The following FBXL17 variants were observed in gnomAD, a reference collection of about 807,000 sequenced individuals.
FBXL17 encodes the protein F-box and leucine rich repeat protein 17.
FBXL17 carries 22 observed loss-of-function variants against 66.2 expected under a neutral mutation model. That is an observed-to-expected ratio of 0.33 (90% CI 0.24 to 0.47). The LOEUF (loss-of-function observed/expected upper bound fraction) is 0.47. Among genes scored for constraint, FBXL17 ranks in the 20% least tolerant of loss-of-function variants. The pLI is 1.00. For missense variants in FBXL17, 878 were observed against 948.2 expected (o/e 0.93, Z 0.97); for synonymous variants, 474 against 400.5 (o/e 1.18, Z -2.19).
chr5:108,033,465 T>C (rs932604626), intron 6 of FBXL17, among the ~76,000 whole-genome samples: 2 of 152,132 alleles, frequency 1.3e-5, no homozygotes, highest in African/African-American at 4.8e-5. Context: ...ATCTAGAGTA[T>C]TCCTAACACC....
At chr5:108,167,232 G>A (rs963064984) in intron 6 of FBXL17, among the ~76,000 whole-genome samples, 10 of 152,192 alleles carry the variant, frequency 6.6e-5, no homozygotes, top group East Asian at 1.9e-4. Context: ...ATCTGCTAGC[G>A]TCTTTACAAA....
intron 6 of FBXL17, among the ~76,000 whole-genome samples, chr5:108,070,457 A>G (rs371740534): frequency 2.0e-5 from 3 of 152,232 alleles, no homozygotes; most frequent in South Asian, 4.1e-4. Context: ...CCGAAAAATT[A>G]TACTGTTTTA....
At chr5:108,328,589 G>A (rs908155996) in intron 4 of FBXL17, among the ~76,000 whole-genome samples, 2 of 151,968 alleles carry the variant, frequency 1.3e-5, no homozygotes, top group African/African-American at 2.4e-5. Flanking sequence ...ACAGATACAC[G>A]CATGTTGGTA....
intron 7 of FBXL17, among the ~76,000 whole-genome samples, chr5:107,976,893 A>C (rs1030764456): frequency 9.9e-5 from 15 of 152,206 alleles, no homozygotes; most frequent in African/African-American, 3.6e-4. Flanking sequence ...TAAGTATTAG[A>C]ATATACTAAG....
intron 3 of FBXL17, among the ~76,000 whole-genome samples, chr5:108,360,338 ATTCT>A (rs1394207603): frequency 6.6e-6 from 1 of 152,066 alleles, no homozygotes; most frequent in African/African-American, 2.4e-5. Context: ...GAGTGCCCCT[ATTCT>A]TTAACAGTTT....
At position 107,861,800 on chromosome 5, in the gene FBXL17, C is replaced by T. The variant is rs368164862; in HGVS notation, c.2026G>A (p.Val676Ile). The T allele has an allele frequency of 8.8e-6, 14 of 1,585,274 alleles. 1 individual carries two copies. The highest frequency in any genetic ancestry group is 2.3e-5 in the South Asian group (2 of 87,128). Residue 676 changes from valine (V) to isoleucine (I), a missense_variant, in exon 9 of 9, where the codon GTC becomes ATC. By Grantham distance (29) the Val-to-Ile change is conservative (BLOSUM62 3). Transcript: ENST00000542267. ...QQYPHITFSTVLQDCKRTLER... is the reference protein window; with the variant it reads ...QQYPHITFSTILQDCKRTLER... ...AAGGTCCTCTTGCAGTCCTGCAGGA[C>T]GGTGCTGAAGGTGATGTGGGGGTAC...
At chr5:108,375,300 A>G (rs919380218) in intron 1 of FBXL17, among the ~76,000 whole-genome samples, 2 of 151,838 alleles carry the variant, frequency 1.3e-5, no homozygotes, top group African/African-American at 4.8e-5. Flanking sequence ...TTAAGGCTGC[A>G]CTTCCATTTA....
chr5:108,347,586 C>G (rs149319139), intron 4 of FBXL17, among the ~76,000 whole-genome samples: 1 of 152,128 alleles, frequency 6.6e-6, no homozygotes, highest in South Asian at 2.1e-4. Context: ...AACAAGACCA[C>G]GTATCACGTG....
chr5:108,226,635 C>T (rs1755113161), intron 4 of FBXL17, among the ~76,000 whole-genome samples: 1 of 152,112 alleles, frequency 6.6e-6, no homozygotes, highest in Admixed American at 6.6e-5. Flanking sequence ...CTGGGTATTC[C>T]TGTGAGAGAG....
intron 4 of FBXL17, among the ~76,000 whole-genome samples, chr5:108,315,821 T>G (rs1042454969): frequency 2.0e-5 from 3 of 151,542 alleles, no homozygotes; most frequent in Non-Finnish European, 4.4e-5. Context: ...ATAAAATATT[T>G]AAAGACCAAT....
At chr5:107,961,127 A>C (rs1273677205) in intron 7 of FBXL17, among the ~76,000 whole-genome samples, 1 of 152,200 alleles carries the variant, frequency 6.6e-6, no homozygotes. Context: ...TAAGCAACAC[A>C]TGCAAGAAGC....
At chr5:107,936,226 A>G (rs531567990) in intron 7 of FBXL17, among the ~76,000 whole-genome samples, 1 of 152,246 alleles carries the variant, frequency 6.6e-6, no homozygotes, top group East Asian at 1.9e-4. Context: ...TTCAAATTCA[A>G]TAATTTTATA....
intron 6 of FBXL17, among the ~76,000 whole-genome samples, chr5:108,146,904 A>T (rs286798): frequency 0.78 from 118,653 of 152,120 alleles, 47,075 homozygotes; most frequent in East Asian, 0.92. Context: ...GGGTAATTCA[A>T]AAGAAATAGA....
intron 7 of FBXL17, among the ~76,000 whole-genome samples, chr5:107,999,077 C>G (rs553340178): frequency 3.3e-5 from 5 of 152,296 alleles, no homozygotes; most frequent in Admixed American, 6.5e-5. Flanking sequence ...CTCCAGGTGA[C>G]TTGGGAGGAC....
intron 6 of FBXL17, among the ~76,000 whole-genome samples, chr5:108,061,832 G>A (rs994563000): frequency 2.0e-5 from 3 of 151,432 alleles, no homozygotes; most frequent in African/African-American, 7.3e-5. Context: ...ACAGGTTTGG[G>A]TTTCTTTTAG....
chr5:107,919,526 G>A lies in FBXL17; in HGVS notation c.1823-38347C>T, dbSNP rs115347501. Among the ~76,000 whole-genome samples, 1,099 of 152,172 alleles carry A rather than the reference G, an allele frequency of 7.2e-3. 7 individuals are homozygous for A. Among genetic ancestry groups the A allele is most frequent in the Middle Eastern group, 0.034 (10 of 294 alleles). On this transcript the variant is annotated intron_variant, in intron 7 of 8. Coordinates refer to ENST00000542267, the MANE Select transcript of FBXL17 (RefSeq NM_001163315.3). ...GTAAGGCCATAAAGGCTTTTTACAC[G>A]CTCCAGTGTCTTTTACCTCCAGATC...
rs933003121 is a variant in FBXL17 at position 108,072,145 on chromosome 5, T to C, written c.1746-51144A>G. On this transcript the variant is annotated intron_variant, in intron 6 of 8. Transcript: ENST00000542267. ...TTCTGAGCACTGATCTTTGCTCTTA[T>C]GTTTATGCCAGCAACACTTATCTAC... is the stretch of plus-strand genomic sequence containing the variant. 8.5e-5 allele frequency among the ~76,000 whole-genome samples: 13 copies of C among 152,302 alleles called. 1 individual carries two copies. Among genetic ancestry groups the C allele is most frequent in the Admixed American group, 3.9e-4 (6 of 15,304 alleles).
intron 4 of FBXL17, among the ~76,000 whole-genome samples, chr5:108,306,140 G>A (rs1260345808): frequency 2.0e-5 from 3 of 151,960 alleles, no homozygotes; most frequent in Admixed American, 6.6e-5. Context: ...TACTTTGGCA[G>A]TAAATTTTAT....
At chr5:108,374,430 G>A (rs1749279433) in intron 1 of FBXL17, among the ~76,000 whole-genome samples, 1 of 152,188 alleles carries the variant, frequency 6.6e-6, no homozygotes, top group Non-Finnish European at 1.5e-5. Flanking sequence ...CCAGCATTTT[G>A]GGAGGCCGAG....
Sources: gnomAD v4.1 joint callset for allele counts (sites outside exome capture counted in the v4.1 genomes callset) on GRCh38, gnomAD v4.1.1 for gene constraint, MANE v1.5 for transcripts, NCBI Gene and HGNC (gene_info 2026-07-23, HGNC 2026-07-21) for gene names.